The following PODN variants were observed in gnomAD, a reference collection of about 807,000 sequenced individuals.
The protein encoded by PODN is podocan, also known as podocan proteoglycan.
In PODN, 40 loss-of-function variants were observed where a neutral mutation model predicts 52.7. That is an observed-to-expected ratio of 0.76 (90% CI 0.59 to 0.99). The LOEUF is 0.99. Among genes scored for constraint, PODN ranks in the 50% least tolerant of loss-of-function variants. The pLI, the probability that PODN is intolerant of heterozygous loss-of-function variation, is 0.00. For synonymous variants in PODN, 396 were observed against 377.9 expected (o/e 1.05, Z -0.56); for missense variants, 720 against 815.1 (o/e 0.88, Z 1.42).
At chr1:53,064,277 C>G (rs80255736) in intron 1 of PODN, among the ~76,000 whole-genome samples, 2,851 of 152,292 alleles carry the variant, frequency 0.019, 98 homozygotes, top group African/African-American at 0.065. Context: ...ATAAAGCCAG[C>G]CAAGGTTGCT....
At position 53,071,529 on chromosome 1, in the gene PODN, C is replaced by T. The variant is rs535841469; in HGVS notation, c.313-6C>T. 3 of 1,612,682 alleles carry T rather than the reference C, an allele frequency of 1.9e-6. No homozygotes were observed. In the East Asian group the frequency reaches 6.7e-5, roughly 36 times the overall value. On this transcript the variant is annotated splice_region_variant and splice_polypyrimidine_tract_variant and intron_variant, in intron 2 of 10. Transcript: ENST00000312553. ...GCTGCTTCCTTGCGGCCCCCTACCCCCCTAGAACAACCAGCTGGAAAAGAT... is the reference window on the plus strand; with the variant it reads ...GCTGCTTCCTTGCGGCCCCCTACCCTCCTAGAACAACCAGCTGGAAAAGAT...
chr1:53,063,319 C>T (rs1337035974), intron 1 of PODN: 2 of 976,462 alleles, frequency 2.0e-6, no homozygotes, highest in Non-Finnish European at 2.4e-6. Context: ...GCTCACCCAG[C>T]GCTTGGAGTG....
chr1:53,064,945 A>C (rs17107803), intron 1 of PODN, among the ~76,000 whole-genome samples: 25,820 of 152,120 alleles, frequency 0.17, 4,587 homozygotes, highest in African/African-American at 0.46. Context: ...CAGGGGTTTG[A>C]GATGTTCCTC....
At chr1:53,065,855 C>G (rs1213390176) in intron 1 of PODN, among the ~76,000 whole-genome samples, 1 of 152,196 alleles carries the variant, frequency 6.6e-6, no homozygotes. Context: ...GACCCTTTCC[C>G]TTTTGCCTGG....
At chr1:53,077,400 G>A in intron 6 of PODN, 54 bp downstream of exon 6, 1 of 1,595,342 alleles carries the variant, frequency 6.3e-7, no homozygotes, top group East Asian at 2.2e-5. Flanking sequence ...CCAGGGCACT[G>A]GGGCAGGGGC....
intron 9 of PODN, 125 bp downstream of exon 9, chr1:53,081,001 A>C: frequency 7.0e-4 from 908 of 1,291,418 alleles, no homozygotes; most frequent in Non-Finnish European, 8.9e-4. Context: ...CTCAGATCTC[A>C]AGGGTGGGGA....
In PODN at chr1:53,082,043, AGGTCTT is replaced by A. The variant is rs765205853; in HGVS notation, c.1727_1732del (p.Val576_Leu577del). The stretch of plus-strand genomic sequence containing the variant: ...GCCTTCCGGAGGCTGAAGCACCTGC[AGGTCTT>A]GGACATTGAAGGCAACTTAGAGTTT... On this transcript the variant is annotated inframe_deletion, in exon 10 of 11. Coordinates refer to ENST00000312553, the MANE Select transcript of PODN (RefSeq NM_153703.5). The A allele has an allele frequency of 8.7e-6, 14 of 1,613,788 alleles. No homozygotes were observed. In the East Asian group the frequency reaches 3.1e-4, roughly 36 times the overall value.
At position 53,077,779 on chromosome 1, in the gene PODN, G is replaced by A; in HGVS notation, c.833G>A (p.Gly278Asp). Residue 278 changes from glycine to aspartate, a missense_variant, in exon 7 of 11, where the codon GGC (glycine) becomes GAC (aspartate). By Grantham distance (94) the Gly-to-Asp change is moderately conservative. Transcript: ENST00000312553. The part of the protein sequence containing the change: ...YLQNNYLTDE[G>D]LDNETFWKLS... ...CAGAACAACTACCTGACTGACGAGGGCCTGGACAACGAGACCTTCTGGTGA... is the reference window on the plus strand; with the variant it reads ...CAGAACAACTACCTGACTGACGAGGACCTGGACAACGAGACCTTCTGGTGA... The A allele has an allele frequency of 6.2e-7, 1 of 1,613,534 alleles. No homozygotes were observed. The highest frequency in any genetic ancestry group is 8.5e-7 in the Non-Finnish European group (1 of 1,179,926).
rs754674291 is a variant in PODN, at chr1:53,070,210, A to C, written c.312+43A>C. 25 of 1,594,596 alleles carry C rather than the reference A, an allele frequency of 1.6e-5. 1 individual carries two copies. The South Asian group carries it at 2.8e-4, about 18-fold the overall frequency. ...CCTGTGGTCACGGGGGCTGTCCCAC[A>C]CACCCTTGGTTCCCATCCCAGAACC... is the stretch of plus-strand genomic sequence containing the variant. On this transcript the variant is annotated intron_variant, in intron 2 of 10. Coordinates refer to ENST00000312553, the MANE Select transcript of PODN (RefSeq NM_153703.5).
intron 9 of PODN, among the ~76,000 whole-genome samples, chr1:53,081,386 A>G (rs1644293129): frequency 6.6e-6 from 1 of 152,190 alleles, no homozygotes; most frequent in African/African-American, 2.4e-5. Context: ...AATCAGAGAG[A>G]AGGAGACAAG....
Position 53,062,297 on chromosome 1 carries a change from G to A in PODN, c.-67G>A, listed in dbSNP as rs1643968781. ...GGCCTGTGGGGCGCCGCTCGGCGCC[G>A]GGGCGCAGCAGGTACAGGGCGCTGG... On this transcript the variant is annotated 5_prime_UTR_variant, in exon 1 of 11. Transcript: ENST00000312553. 1 of 1,257,028 alleles carries A rather than the reference G, an allele frequency of 8.0e-7. No individual in the cohort carries two copies. The highest frequency in any genetic ancestry group is 1.0e-6 in the Non-Finnish European group (1 of 993,762). 77.9% of individuals were successfully genotyped at this position (1,257,028 alleles called of 1,614,324 possible).
rs1172916250 is a variant in PODN, at chr1:53,070,052, T to C, written c.197T>C (p.Val66Ala). 1 of 1,612,794 alleles carries C rather than the reference T, an allele frequency of 6.2e-7. No individual in the cohort carries two copies. Among genetic ancestry groups the C allele is most frequent in the East Asian group, 2.2e-5 (1 of 44,902 alleles). Reference protein sequence around the residue: ...PEEPGPGPAAVSCPRDCACSQ... With the variant: ...PEEPGPGPAAASCPRDCACSQ... ...GAGCCCGGGCCTGGCCCAGCCGCGG[T>C]CAGCTGCCCCCGAGACTGTGCCTGT... The change falls in exon 2 of 11, where the codon GTC becomes GCC. Residue 66 changes from valine to alanine, a missense_variant. Physicochemically the swap from Val to Ala is moderately conservative, Grantham distance 64 (BLOSUM62 0). Transcript: ENST00000312553.
intron 3 of PODN, 129 bp from the exon 4 acceptor site, chr1:53,074,477 G>A (rs1644164325): frequency 9.8e-7 from 1 of 1,020,566 alleles, no homozygotes; most frequent in African/African-American, 1.6e-5. Flanking sequence ...CAACTGCTTG[G>A]GAGGGGATCT....
At chr1:53,083,562 C>A (rs1288396) in intron 10 of PODN, among the ~76,000 whole-genome samples, 1 of 152,206 alleles carries the variant, frequency 6.6e-6, no homozygotes, top group Non-Finnish European at 1.5e-5. Context: ...TCAGCCGGAT[C>A]CCTCCAGTCT....
chr1:53,078,624 G>A lies in PODN; in HGVS notation c.1114G>A (p.Glu372Lys), dbSNP rs1644234358. 1 of 1,612,904 alleles carries A rather than the reference G, an allele frequency of 6.2e-7. No individual in the cohort carries two copies. The highest frequency in any genetic ancestry group is 1.1e-5 in the South Asian group (1 of 91,080). ...HTVHLYNNAL[E>K]RVPSGLPRRV... ...GGTGCACCTGTACAACAACGCGCTGGAGCGCGTGCCCAGTGGCCTGCCTCG... is the reference window on the plus strand; with the variant it reads ...GGTGCACCTGTACAACAACGCGCTGAAGCGCGTGCCCAGTGGCCTGCCTCG... The change falls in exon 8 of 11, where the codon GAG (glutamate) becomes AAG (lysine). Residue 372 changes from glutamate (E) to lysine (K), a missense_variant. Transcript: ENST00000312553.
chr1:53,071,707 G>A (rs1264032010), intron 3 of PODN, 79 bp downstream of exon 3: 1 of 1,376,376 alleles, frequency 7.3e-7, no homozygotes, highest in Non-Finnish European at 1.0e-6. Context: ...GTGCCCAGGG[G>A]GAGAGCTTGG....
At position 53,078,692 on chromosome 1, in the gene PODN, C is replaced by G; in HGVS notation, c.1182C>G (p.Gly394=). 6.2e-7 allele frequency: 1 copy of G among 1,613,362 alleles called. No individual in the cohort carries two copies. The highest frequency in any genetic ancestry group is 8.5e-7 in the Non-Finnish European group (1 of 1,179,984). The change falls in exon 8 of 11, where the codon GGC becomes GGG. Residue 394 remains glycine (G), a synonymous_variant. Transcript: ENST00000312553. ...TLMILHNQIT[G]IGREDFATTY... ...TGATCCTGCACAACCAGATCACAGG[C>G]ATTGGCCGCGAAGACTTTGCCACCA... is the stretch of plus-strand genomic sequence containing the variant.
chr1:53,064,011 C>G (rs1198087534), intron 1 of PODN, among the ~76,000 whole-genome samples: 1 of 152,206 alleles, frequency 6.6e-6, no homozygotes, highest in Non-Finnish European at 1.5e-5. Flanking sequence ...CCCACTCCGT[C>G]CACTTGGAGA....
intron 1 of PODN, chr1:53,063,402 G>T (rs1469353474): frequency 1.0e-5 from 10 of 985,632 alleles, no homozygotes; most frequent in Non-Finnish European, 1.1e-5. Context: ...CCTGCTCCAC[G>T]AGGCGCCACT....
Sources: gnomAD v4.1 joint callset for allele counts (sites outside exome capture counted in the v4.1 genomes callset) on GRCh38, gnomAD v4.1.1 for gene constraint, MANE v1.5 for transcripts, NCBI Gene and HGNC (gene_info 2026-07-23, HGNC 2026-07-21) for gene names.